ARHGAP6: variants seen among roughly 807,000 people sequenced by gnomAD.
The protein encoded by ARHGAP6 is Rho GTPase activating protein 6.
ARHGAP6 carries 16 observed loss-of-function variants against 55.7 expected under a neutral mutation model. That is an observed-to-expected ratio of 0.29 (90% confidence interval 0.19 to 0.44). ARHGAP6 has a LOEUF of 0.44. Among genes scored for constraint, ARHGAP6 ranks in the 20% least tolerant of loss-of-function variants. The probability of loss-of-function intolerance (pLI) is 1.00; values close to 1 mark genes in which losing one functional copy is unlikely to be tolerated. For missense variants in ARHGAP6, 698 were observed against 808.9 expected, an observed-to-expected ratio of 0.86 and a Z score of 1.66; for synonymous variants, 382 against 360.9, an observed-to-expected ratio of 1.06 and a Z score of -0.66.
At chrX:11,400,465 T>C (rs954239338) in intron 1 of ARHGAP6, among the ~76,000 whole-genome samples, 6 of 108,545 alleles carry the variant, frequency 5.5e-5, no homozygotes, top group African/African-American at 1.7e-4. Flanking sequence ...AGAACCAACA[T>C]ACCTTGCAAT....
At chrX:11,587,215 T>A (rs1248434126) in intron 1 of ARHGAP6, among the ~76,000 whole-genome samples, 1 of 111,587 alleles carries the variant, frequency 9.0e-6, no homozygotes, top group African/African-American at 3.3e-5. Context: ...CTATGTTGAA[T>A]AGGAGTGGTG....
chrX:11,426,867 C>G (rs1603201144), intron 1 of ARHGAP6, among the ~76,000 whole-genome samples: 2 of 110,208 alleles, frequency 1.8e-5, no homozygotes, highest in South Asian at 8.0e-4. Context: ...TCCTGCAGTA[C>G]CTGCAGCACC....
intron 1 of ARHGAP6, among the ~76,000 whole-genome samples, chrX:11,449,480 T>TCTAGGCTC (rs1280864363): frequency 2.7e-5 from 3 of 112,042 alleles, no homozygotes; most frequent in African/African-American, 9.7e-5. Context: ...TCACTAGGCT[T>TCTAGGCTC]CTAGGCTCGA....
At position 11,478,325 on chromosome X, in the gene ARHGAP6, G is replaced by A. The variant is rs369814967; in HGVS notation, c.588+185916C>T. ...CAACAGGAGAGTAGATAAACAAATT[G>A]TGGTGTGTTCATACAATGGAAAACT... On this transcript the variant is annotated intron_variant, in intron 1 of 12. Transcript: ENST00000337414. Among the ~76,000 whole-genome samples, 5 of 112,349 alleles carry A rather than the reference G, an allele frequency of 4.5e-5. No homozygotes were observed. In the East Asian group the frequency reaches 8.4e-4, roughly 19 times the overall value.
At chrX:11,428,505 C>T (rs1323608105) in intron 1 of ARHGAP6, among the ~76,000 whole-genome samples, 1 of 112,352 alleles carries the variant, frequency 8.9e-6, no homozygotes, top group Non-Finnish European at 1.9e-5. Flanking sequence ...TAATTTACGT[C>T]CAGCCTCCCA....
chrX:11,470,053 G>A (rs2050332850), intron 1 of ARHGAP6, among the ~76,000 whole-genome samples: 1 of 111,897 alleles, frequency 8.9e-6, no homozygotes, highest in South Asian at 3.8e-4. Flanking sequence ...CATATGGTGT[G>A]TATGTTGTAA....
chrX:11,426,075 AG>A (rs1455666949), intron 1 of ARHGAP6, among the ~76,000 whole-genome samples: 1 of 112,762 alleles, frequency 8.9e-6, no homozygotes. Context: ...GTAACTTACA[AG>A]TATCTCATTT....
At position 11,147,553 on chromosome X, in the gene ARHGAP6, C is replaced by T. The variant is rs183277120; in HGVS notation, c.1908-3305G>A. Among the ~76,000 whole-genome samples, 330 of 112,586 alleles carry T rather than the reference C, an allele frequency of 2.9e-3. 1 individual carries two copies. Among genetic ancestry groups the T allele is most frequent in the Non-Finnish European group, 3.0e-3 (162 of 53,328 alleles). On this transcript the variant is annotated intron_variant, in intron 10 of 12. Coordinates refer to ENST00000337414, the MANE Select transcript of ARHGAP6 (RefSeq NM_013427.3). ...TGGATACCTTCATTACACACCTGTG[C>T]TTCCTGTGTCTGTCCATTTTCCATT...
chrX:11,548,696 C>T (rs948299902), intron 1 of ARHGAP6, among the ~76,000 whole-genome samples: 1 of 111,308 alleles, frequency 9.0e-6, no homozygotes, highest in Non-Finnish European at 1.9e-5. Flanking sequence ...GCAACCTCTG[C>T]CTCCCGGGTT....
intron 1 of ARHGAP6, among the ~76,000 whole-genome samples, chrX:11,506,046 T>G (rs888494011): frequency 1.8e-5 from 2 of 110,877 alleles, no homozygotes; most frequent in African/African-American, 6.6e-5. Context: ...AAATAAAAGT[T>G]AAAAAAAGAA....
At chrX:11,285,397 C>A (rs2047909940) in intron 1 of ARHGAP6, among the ~76,000 whole-genome samples, 1 of 111,259 alleles carries the variant, frequency 9.0e-6, no homozygotes, top group Non-Finnish European at 1.9e-5. Context: ...TCAGTAATAT[C>A]CCTGATAAAA....
chrX:11,496,851 T>C (rs1384785100), intron 1 of ARHGAP6, among the ~76,000 whole-genome samples: 1 of 112,065 alleles, frequency 8.9e-6, no homozygotes, highest in Non-Finnish European at 1.9e-5. Flanking sequence ...TAGAGGAATA[T>C]CCCAGAGAAT....
chrX:11,355,601 T>C (rs1265736365), intron 1 of ARHGAP6, among the ~76,000 whole-genome samples: 1 of 112,097 alleles, frequency 8.9e-6, no homozygotes, highest in Non-Finnish European at 1.9e-5. Flanking sequence ...CAAGGATAAG[T>C]GACTTAAGGG....
intron 1 of ARHGAP6, among the ~76,000 whole-genome samples, chrX:11,533,106 A>T (rs2051068844): frequency 9.0e-6 from 1 of 111,673 alleles, no homozygotes; most frequent in Non-Finnish European, 1.9e-5. Context: ...AATAAAGAAG[A>T]TGAGAATGCA....
At chrX:11,389,686 G>A (rs749661985) in intron 1 of ARHGAP6, among the ~76,000 whole-genome samples, 288 of 112,449 alleles carry the variant, frequency 2.6e-3, no homozygotes, top group Middle Eastern at 4.7e-3. Flanking sequence ...GGCTTTTCAA[G>A]CTATACAATT....
At chrX:11,315,852 A>C (rs1183044838) in intron 1 of ARHGAP6, among the ~76,000 whole-genome samples, 5 of 111,943 alleles carry the variant, frequency 4.5e-5, no homozygotes, top group Non-Finnish European at 5.6e-5. Context: ...CCAACCTTGT[A>C]TCTTTAAATG....
At chrX:11,144,808 G>A (rs957643390) in intron 10 of ARHGAP6, among the ~76,000 whole-genome samples, 5 of 112,035 alleles carry the variant, frequency 4.5e-5, no homozygotes, top group African/African-American at 1.3e-4. Flanking sequence ...GATGCCACCG[G>A]TGGGAATAAG....
At chrX:11,651,391 T>A (rs2147198052) in intron 1 of ARHGAP6, among the ~76,000 whole-genome samples, 1 of 111,800 alleles carries the variant, frequency 8.9e-6, no homozygotes, top group African/African-American at 3.3e-5. Context: ...CATGATGGTA[T>A]TTGGTTTTCT....
intron 1 of ARHGAP6, among the ~76,000 whole-genome samples, chrX:11,261,897 C>A (rs969521963): frequency 1.8e-4 from 20 of 111,161 alleles, no homozygotes; most frequent in Non-Finnish European, 3.8e-4. Context: ...GGACTACTGC[C>A]CAAAATCAAC....
Sources: gnomAD v4.1 joint callset for allele counts (sites outside exome capture counted in the v4.1 genomes callset) on GRCh38, gnomAD v4.1.1 for gene constraint, MANE v1.5 for transcripts, NCBI Gene and HGNC (gene_info 2026-07-23, HGNC 2026-07-21) for gene names.